The following TMEM245 variants were observed in gnomAD, a reference collection of about 807,000 sequenced individuals.
TMEM245 encodes protein CG-2.
A neutral mutation model predicts 101.2 loss-of-function variants in TMEM245; 69 were observed. The ratio of observed to expected loss-of-function variants is 0.68; its 90% confidence interval spans 0.56 to 0.83. The LOEUF is 0.83. TMEM245 is among the 40% of genes least tolerant of loss of function. The pLI, the probability that TMEM245 is intolerant of heterozygous loss-of-function variation, is 0.00. For synonymous variants in TMEM245, 537 were observed against 449.8 expected (o/e 1.19, Z -2.45); for missense variants, 1,075 against 1,092.8 (o/e 0.98, Z 0.23).
At chr9:109,048,063 T>C (rs1456736371) in intron 14 of TMEM245, among the ~76,000 whole-genome samples, 1 of 152,238 alleles carries the variant, frequency 6.6e-6, no homozygotes, top group African/African-American at 2.4e-5. Context: ...AAGCTATAGC[T>C]GGTACTTCCT....
intron 1 of TMEM245, among the ~76,000 whole-genome samples, chr9:109,109,869 A>C (rs1830522738): frequency 6.6e-6 from 1 of 152,196 alleles, no homozygotes; most frequent in Non-Finnish European, 1.5e-5. Flanking sequence ...AAATACAAAA[A>C]ATACTTGTGC....
intron 17 of TMEM245, among the ~76,000 whole-genome samples, chr9:109,031,058 A>G (rs1827930982): frequency 2.0e-5 from 3 of 152,214 alleles, no homozygotes; most frequent in Non-Finnish European, 4.4e-5. Flanking sequence ...AATGCCATAT[A>G]GTTTCCGGAA....
chr9:109,056,276 T>C (rs961109600), intron 12 of TMEM245, among the ~76,000 whole-genome samples: 2 of 151,936 alleles, frequency 1.3e-5, no homozygotes, highest in African/African-American at 4.8e-5. Flanking sequence ...CCTTTTCAGT[T>C]ATGGTCATGT....
chr9:109,070,590 T>C (rs554374240), intron 9 of TMEM245, among the ~76,000 whole-genome samples: 3 of 152,230 alleles, frequency 2.0e-5, no homozygotes, highest in Non-Finnish European at 4.4e-5. Context: ...AAGGTTTACA[T>C]CTTGTATACC....
intron 17 of TMEM245, among the ~76,000 whole-genome samples, chr9:109,027,607 A>G (rs1300133374): frequency 6.6e-6 from 1 of 152,212 alleles, no homozygotes; most frequent in African/African-American, 2.4e-5. Context: ...GGCTGGACAA[A>G]GCAGTGGCCC....
intron 9 of TMEM245, among the ~76,000 whole-genome samples, chr9:109,071,182 G>A (rs1164845580): frequency 1.3e-5 from 2 of 151,936 alleles, no homozygotes; most frequent in East Asian, 3.9e-4. Context: ...ACCGCACCTG[G>A]CCAACATACT....
intron 14 of TMEM245, among the ~76,000 whole-genome samples, chr9:109,044,856 T>C (rs1486713281): frequency 6.7e-6 from 1 of 149,736 alleles, no homozygotes; most frequent in Non-Finnish European, 1.5e-5. Flanking sequence ...ACCACCTGGG[T>C]TCAAGAGATT....
At position 109,099,184 on chromosome 9, in the gene TMEM245, C is replaced by G. The variant is rs889326327; in HGVS notation, c.800-5593G>C. Among the ~76,000 whole-genome samples, 3 of 152,206 alleles carry G rather than the reference C, an allele frequency of 2.0e-5. No homozygotes were observed. In the East Asian group the frequency reaches 5.8e-4, roughly 29 times the overall value. Reference sequence around the variant, plus strand: ...TTACTAATGTGGAAAATACAACTCCCTCTCAATGGCTTCTAGTATCACGTC... The same window carrying G: ...TTACTAATGTGGAAAATACAACTCCGTCTCAATGGCTTCTAGTATCACGTC... On this transcript the variant is annotated intron_variant, in intron 3 of 17. Transcript: ENST00000374586.
At chr9:109,108,124 T>C (rs1830474768) in intron 2 of TMEM245, among the ~76,000 whole-genome samples, 2 of 152,178 alleles carry the variant, frequency 1.3e-5, no homozygotes, top group African/African-American at 4.8e-5. Flanking sequence ...CACACATGTC[T>C]CTGAGCACCT....
intron 17 of TMEM245, among the ~76,000 whole-genome samples, chr9:109,032,987 T>C (rs910867908): frequency 4.0e-5 from 6 of 151,890 alleles, no homozygotes; most frequent in Non-Finnish European, 7.4e-5. Flanking sequence ...TTAGTAGAGA[T>C]GGGGTTTCGC....
In TMEM245 at chr9:109,019,606, T is replaced by C. The variant is rs1252051984; in HGVS notation, c.*854A>G. On this transcript the variant is annotated 3_prime_UTR_variant, in exon 18 of 18. Transcript: ENST00000374586. The stretch of plus-strand genomic sequence containing the variant: ...AAAATTCTGCTGAAAACTAACTTAT[T>C]GGCAGAGTTCCAAATAATGAAACGG... 1 of 152,308 alleles carries C rather than the reference T, an allele frequency of 6.6e-6. No homozygotes were observed. Among genetic ancestry groups the C allele is most frequent in the Non-Finnish European group, 1.5e-5 (1 of 68,044 alleles). The allele number at this position is 152,308 out of a possible 1,614,324, so 9.4% of individuals were successfully genotyped here.
At chr9:109,066,785 G>A (rs147623572) in intron 9 of TMEM245, among the ~76,000 whole-genome samples, 3 of 151,920 alleles carry the variant, frequency 2.0e-5, no homozygotes, top group African/African-American at 7.2e-5. Context: ...GCAGGGCATG[G>A]TGGCTCACGC....
chr9:109,023,866 C>T (rs1004969638), intron 17 of TMEM245, among the ~76,000 whole-genome samples: 1 of 151,198 alleles, frequency 6.6e-6, no homozygotes, highest in African/African-American at 2.4e-5. Flanking sequence ...ATAAGCAATG[C>T]AGAATGGGAC....
At chr9:109,046,324 C>G in intron 14 of TMEM245, 1 of 533,642 alleles carries the variant, frequency 1.9e-6, no homozygotes, top group South Asian at 1.4e-5. Context: ...ATGGGAGCAT[C>G]AGGGAAGAAG....
At chr9:109,106,685 G>C (rs1830433552) in intron 2 of TMEM245, 76 bp from the exon 3 acceptor site, 3 of 1,057,878 alleles carry the variant, frequency 2.8e-6, no homozygotes, top group Non-Finnish European at 2.7e-6. Flanking sequence ...CAGTTTTGTA[G>C]TTTGACAGAA....
chr9:109,060,369 G>C lies in TMEM245; in HGVS notation c.1707C>G (p.His569Gln). 1 of 1,612,416 alleles carries C rather than the reference G, an allele frequency of 6.2e-7. No individual in the cohort carries two copies. The highest frequency in any genetic ancestry group is 1.1e-5 in the South Asian group (1 of 90,782). ...AATAACTTACCTTTACAAACCAAGA[G>C]TGATACAGTCTGTCCCAAAGTTCTA... The part of the protein sequence containing the change: ...QVLELWDRLY[H>Q]SWFVKNVTHS... Residue 569 changes from histidine to glutamine, a missense_variant, in exon 11 of 18, where the codon CAC becomes CAG. Around this residue, in one of 2 missense-constraint regions of TMEM245, gnomAD observed 808 missense variants for 741.5 expected, o/e 1.09. Transcript: ENST00000374586.
In TMEM245 at chr9:109,017,462, C is replaced by T. The variant is rs1422936663; in HGVS notation, c.*2998G>A. On this transcript the variant is annotated 3_prime_UTR_variant, in exon 18 of 18. Coordinates refer to ENST00000374586, the MANE Select transcript of TMEM245 (RefSeq NM_032012.4). ...TAGGAACTTCAGAACTCAAACAGCA[C>T]TCACATAACATGGAATTTATGCTGA... 6.6e-6 allele frequency: 1 copy of T among 152,190 alleles called. No individual in the cohort carries two copies. Among genetic ancestry groups the T allele is most frequent in the Non-Finnish European group, 1.5e-5 (1 of 68,042 alleles). The allele number at this position is 152,190 out of a possible 1,614,324, so 9.4% of individuals were successfully genotyped here.
At chr9:109,082,472 G>A (rs1829693904) in intron 7 of TMEM245, among the ~76,000 whole-genome samples, 1 of 152,182 alleles carries the variant, frequency 6.6e-6, no homozygotes, top group Non-Finnish European at 1.5e-5. Context: ...GCAGCTTCCT[G>A]GGGAAAGAGC....
chr9:109,097,327 AG>A (rs1294627362), intron 3 of TMEM245, among the ~76,000 whole-genome samples: 2 of 152,216 alleles, frequency 1.3e-5, no homozygotes, highest in East Asian at 3.8e-4. Context: ...AACTCTAGGA[AG>A]TTCAATAAGA....
Sources: gnomAD v4.1 joint callset for allele counts (sites outside exome capture counted in the v4.1 genomes callset) on GRCh38, gnomAD v4.1.1 for gene constraint, gnomAD v4.1.1 regional missense constraint, MANE v1.5 for transcripts, NCBI Gene and HGNC (gene_info 2026-07-23, HGNC 2026-07-21) for gene names.